OLFM3: variants seen among roughly 807,000 people sequenced by gnomAD.
OLFM3 encodes noelin-3.
A neutral mutation model predicts 48.6 loss-of-function variants in OLFM3; 20 were observed. That is an observed-to-expected ratio of 0.41 (90% CI 0.29 to 0.60). The LOEUF is 0.60. Ranked by LOEUF, OLFM3 falls within the 20% of genes least tolerant of loss-of-function variation. The pLI, the probability that OLFM3 is intolerant of heterozygous loss-of-function variation, is 0.28. For missense variants in OLFM3, 437 were observed against 544.3 expected, an observed-to-expected ratio of 0.80 and a Z score of 1.96; for synonymous variants, 222 against 198.1, an observed-to-expected ratio of 1.12 and a Z score of -1.01.
chr1:101,917,398 A>G (rs1244875967), intron 1 of OLFM3, among the ~76,000 whole-genome samples: 1 of 151,690 alleles, frequency 6.6e-6, no homozygotes, highest in Admixed American at 6.6e-5. Flanking sequence ...AATAAAAATA[A>G]AAGCCATAAA....
At chr1:101,829,160 C>G (rs1029367143) in intron 3 of OLFM3, among the ~76,000 whole-genome samples, 2 of 152,252 alleles carry the variant, frequency 1.3e-5, no homozygotes, top group Admixed American at 1.3e-4. Flanking sequence ...GGTATGTGCT[C>G]GATAAATACT....
chr1:101,913,482 A>T (rs1366024282), intron 1 of OLFM3, among the ~76,000 whole-genome samples: 1 of 152,176 alleles, frequency 6.6e-6, no homozygotes, highest in Non-Finnish European at 1.5e-5. Flanking sequence ...TATGAGTGGG[A>T]ACGTTCTGCC....
At chr1:101,888,971 A>G (rs1268021244) in intron 1 of OLFM3, among the ~76,000 whole-genome samples, 1 of 152,230 alleles carries the variant, frequency 6.6e-6, no homozygotes, top group Non-Finnish European at 1.5e-5. Context: ...CACACCAGTT[A>G]GAATGGCGAT....
rs1004700254 is a variant in OLFM3 at position 101,803,120 on chromosome 1, T to A, written c.*1118A>T. ...ATTTTGCACAAATCTTGCCAATAAC[T>A]CCTCAGGGCTCATAATCTAAATCTA... is the stretch of plus-strand genomic sequence containing the variant. On this transcript the variant is annotated 3_prime_UTR_variant, in exon 6 of 6. Coordinates refer to ENST00000370103, the MANE Select transcript of OLFM3 (RefSeq NM_058170.4). 6.6e-6 allele frequency: 1 copy of A among 151,894 alleles called. No homozygotes were observed. The highest frequency in any genetic ancestry group is 2.4e-5 in the African/African-American group (1 of 41,350). The allele number at this position is 151,894 out of a possible 1,614,324, so 9.4% of individuals were successfully genotyped here.
chr1:101,806,152 G>A lies in OLFM3; in HGVS notation c.623C>T (p.Pro208Leu). The A allele has an allele frequency of 1.2e-6, 2 of 1,611,986 alleles. No individual in the cohort carries two copies. The highest frequency in any genetic ancestry group is 1.7e-6 in the Non-Finnish European group (2 of 1,178,648). The change falls in exon 5 of 6, where the codon CCA becomes CTA. Residue 208 changes from proline (P) to leucine (L), a missense_variant. Transcript: ENST00000370103. ...GGTTCCAGATGTCTTGACTGTAACT[G>A]GGCCTGTGATTTTCATCAGTTTGCC... ...TCGKLMKITG[P>L]VTVKTSGTRF...
chr1:101,961,742 G>A (rs1660473770), intron 1 of OLFM3, among the ~76,000 whole-genome samples: 1 of 152,120 alleles, frequency 6.6e-6, no homozygotes, highest in South Asian at 2.1e-4. Flanking sequence ...ATGTTTTCAT[G>A]ACTGAAAGAT....
At chr1:101,916,647 A>G (rs1466737826) in intron 1 of OLFM3, among the ~76,000 whole-genome samples, 1 of 152,174 alleles carries the variant, frequency 6.6e-6, no homozygotes. Context: ...TTTTAATCTC[A>G]CTTTGCAAAA....
At chr1:101,896,426 A>G (rs1275909874) in intron 1 of OLFM3, among the ~76,000 whole-genome samples, 1 of 151,892 alleles carries the variant, frequency 6.6e-6, no homozygotes, top group Admixed American at 6.6e-5. Context: ...TCACAATTTG[A>G]ACATGATATT....
chr1:101,862,631 G>A (rs1177371598), intron 1 of OLFM3, among the ~76,000 whole-genome samples: 1 of 152,156 alleles, frequency 6.6e-6, no homozygotes, highest in Non-Finnish European at 1.5e-5. Flanking sequence ...AGGAGTCTAG[G>A]TGCAGCACAA....
intron 1 of OLFM3, among the ~76,000 whole-genome samples, chr1:101,887,442 A>G (rs1657806086): frequency 6.6e-6 from 1 of 152,014 alleles, no homozygotes; most frequent in Admixed American, 6.6e-5. Context: ...CATATAACAT[A>G]TTTAAAATCA....
intron 1 of OLFM3, among the ~76,000 whole-genome samples, chr1:101,944,457 G>A (rs984217723): frequency 3.9e-5 from 6 of 152,034 alleles, no homozygotes; most frequent in Non-Finnish European, 8.8e-5. Context: ...TTAAAGGAGG[G>A]GCTTAACTCC....
intron 1 of OLFM3, among the ~76,000 whole-genome samples, chr1:101,963,890 A>G (rs1169296068): frequency 6.6e-6 from 1 of 152,096 alleles, no homozygotes; most frequent in Non-Finnish European, 1.5e-5. Context: ...TATTGTAAAT[A>G]CTGATTTACA....
chr1:101,893,359 C>T, intron 1 of OLFM3: 1 of 384,726 alleles, frequency 2.6e-6, no homozygotes, highest in Non-Finnish European at 5.3e-6. Context: ...AAGCTGTGTG[C>T]ATGGAGACCC....
chr1:101,878,841 G>T (rs1262119367), intron 1 of OLFM3, among the ~76,000 whole-genome samples: 2 of 151,952 alleles, frequency 1.3e-5, no homozygotes, highest in African/African-American at 4.8e-5. Flanking sequence ...ATCAGCTATA[G>T]TTCAGTTGGC....
At position 101,965,175 on chromosome 1, in the gene OLFM3, G is replaced by A. The variant is rs187704122; in HGVS notation, c.69+31573C>T. Among the ~76,000 whole-genome samples the A allele has an allele frequency of 2.4e-3, 368 of 152,290 alleles. 2 individuals are homozygous for A. The Middle Eastern group carries it at 0.041, about 17-fold the overall frequency. The stretch of plus-strand genomic sequence containing the variant: ...AGCCACTGGAATTTCCTCAGTAACA[G>A]TGCTTTTGTTATTTTTGGCAAAAAT... On this transcript the variant is annotated intron_variant, in intron 1 of 5. Coordinates refer to ENST00000370103, the MANE Select transcript of OLFM3 (RefSeq NM_058170.4).
chr1:101,911,350 C>T (rs2101028525), intron 1 of OLFM3, among the ~76,000 whole-genome samples: 1 of 152,168 alleles, frequency 6.6e-6, no homozygotes, highest in Non-Finnish European at 1.5e-5. Context: ...AAGCAACATT[C>T]AAATTTAGAC....
At chr1:101,894,295 A>C (rs1432324543) in intron 1 of OLFM3, among the ~76,000 whole-genome samples, 1 of 152,206 alleles carries the variant, frequency 6.6e-6, no homozygotes, top group Non-Finnish European at 1.5e-5. Flanking sequence ...GAGTAAGTTA[A>C]TAGAAGGTAT....
chr1:101,895,314 A>G (rs1239495040), intron 1 of OLFM3, among the ~76,000 whole-genome samples: 1 of 151,936 alleles, frequency 6.6e-6, no homozygotes, highest in African/African-American at 2.4e-5. Flanking sequence ...GTTGCTAGAG[A>G]TAAGTTATGC....
intron 1 of OLFM3, among the ~76,000 whole-genome samples, chr1:101,925,807 G>A: frequency 6.6e-6 from 1 of 152,016 alleles, no homozygotes; most frequent in Non-Finnish European, 1.5e-5. Flanking sequence ...TAAGATTACA[G>A]GCATGGGTCA....
Sources: allele counts gnomAD v4.1 joint callset (sites outside exome capture counted in the v4.1 genomes callset), GRCh38; gene constraint gnomAD v4.1.1; transcripts MANE v1.5; gene names NCBI Gene and HGNC (gene_info 2026-07-23, HGNC 2026-07-21).